The following DPYD variants were observed in gnomAD, a reference collection of about 807,000 sequenced individuals.
DPYD encodes dihydropyrimidine dehydrogenase [NADP(+)].
In DPYD, 109 loss-of-function variants were observed where a neutral mutation model predicts 116.2. The observed-to-expected ratio is 0.94, with a 90% confidence interval of 0.80 to 1.10. The LOEUF (loss-of-function observed/expected upper bound fraction) is 1.10. Ranked by LOEUF, DPYD falls within the 50% of genes least tolerant of loss-of-function variation. The pLI is 0.00. For missense variants in DPYD, 1,302 were observed against 1,254.5 expected (o/e 1.04, Z -0.57); for synonymous variants, 440 against 432.0 (o/e 1.02, Z -0.23).
chr1:97,094,242 C>T (rs1650083815), intron 21 of DPYD, among the ~76,000 whole-genome samples: 2 of 151,896 alleles, frequency 1.3e-5, no homozygotes, highest in South Asian at 2.1e-4. Flanking sequence ...AGGAGCTTAC[C>T]TTAGGATTAC....
In DPYD at chr1:97,515,665, T is replaced by C. The variant is rs917423507; in HGVS notation, c.1740+61A>G. 4 of 1,458,034 alleles carry C rather than the reference T, an allele frequency of 2.7e-6. No homozygotes were observed. The African/African-American group carries it at 4.3e-5, about 16-fold the overall frequency. The allele number at this position is 1,458,034 out of a possible 1,614,324, so 90.3% of individuals were successfully genotyped here. The stretch of plus-strand genomic sequence containing the variant: ...TAGTAAAAAAAATCCATTATAATGT[T>C]TATACCTTAATTAAAATATATGATA... On this transcript the variant is annotated intron_variant, in intron 13 of 22. Transcript: ENST00000370192.
chr1:97,724,856 G>C (rs1158628655), intron 4 of DPYD, among the ~76,000 whole-genome samples: 1 of 148,838 alleles, frequency 6.7e-6, no homozygotes, highest in Non-Finnish European at 1.5e-5. Flanking sequence ...ATTCTTGCTA[G>C]ATAATTAGGC....
intron 19 of DPYD, among the ~76,000 whole-genome samples, chr1:97,214,759 C>T (rs986313962): frequency 2.0e-5 from 3 of 152,200 alleles, no homozygotes; most frequent in African/African-American, 7.2e-5. Flanking sequence ...AGTTGTTCCA[C>T]GTGGCCAGTT....
At position 97,686,636 on chromosome 1, in the gene DPYD, C is replaced by CAAAAAAAAA. The variant is rs1159274157; in HGVS notation, c.762+5072_762+5080dup. Among the ~76,000 whole-genome samples, 29 of 10,052 alleles carry CAAAAAAAAA rather than the reference C, an allele frequency of 2.9e-3. 1 individual carries two copies. Among genetic ancestry groups the CAAAAAAAAA allele is most frequent in the African/African-American group, 9.4e-3 (28 of 2,970 alleles). The allele number at this position is 10,052 out of a possible 152,430, so 6.6% of individuals were successfully genotyped here. A position where few individuals can be genotyped will look rare whatever the true frequency, so the allele number is the denominator to read the frequency against. ...TGGGCGACAGAGCGAGACTCTGTCT[C>CAAAAAAAAA]AAAAAAAAAAAAAAAAAAAAAAAAA... is the stretch of plus-strand genomic sequence containing the variant. On this transcript the variant is annotated intron_variant, in intron 7 of 22. Coordinates refer to ENST00000370192, the MANE Select transcript of DPYD (RefSeq NM_000110.4).
At chr1:97,691,588 T>G in intron 7 of DPYD, 129 bp downstream of exon 7, 1 of 794,580 alleles carries the variant, frequency 1.3e-6, no homozygotes, top group South Asian at 1.6e-5. Flanking sequence ...GGAAGCATCT[T>G]TCTGCTTCTG....
intron 11 of DPYD, among the ~76,000 whole-genome samples, chr1:97,558,985 C>T (rs1220278769): frequency 1.3e-5 from 2 of 152,086 alleles, no homozygotes; most frequent in Non-Finnish European, 2.9e-5. Flanking sequence ...CTTTGATTTG[C>T]TTATTTATAT....
At chr1:97,679,001 C>T in intron 8 of DPYD, 94 bp downstream of exon 8, 1 of 560,000 alleles carries the variant, frequency 1.8e-6, no homozygotes, top group Non-Finnish European at 3.0e-6. Flanking sequence ...TAACTTTCAT[C>T]ACGAAAATGT....
chr1:97,388,789 A>T (rs1672506694), intron 14 of DPYD, among the ~76,000 whole-genome samples: 1 of 152,090 alleles, frequency 6.6e-6, no homozygotes, highest in Non-Finnish European at 1.5e-5. Flanking sequence ...AGGACTAATG[A>T]TGTTTTCTTA....
At chr1:97,914,694 C>A (rs1359634801) in intron 1 of DPYD, among the ~76,000 whole-genome samples, 1 of 152,050 alleles carries the variant, frequency 6.6e-6, no homozygotes, top group Non-Finnish European at 1.5e-5. Flanking sequence ...GAAACTTACA[C>A]CAGTGGGCTC....
At chr1:97,137,226 T>C (rs532720726) in intron 20 of DPYD, among the ~76,000 whole-genome samples, 2 of 152,206 alleles carry the variant, frequency 1.3e-5, no homozygotes, top group African/African-American at 2.4e-5. Flanking sequence ...GCCTCAATGA[T>C]GCATGGACCA....
At position 97,599,162 on chromosome 1, in the gene DPYD, A is replaced by C. The variant is rs544168943; in HGVS notation, c.851-3996T>G. Among the ~76,000 whole-genome samples the C allele has an allele frequency of 3.3e-5, 5 of 152,316 alleles. No homozygotes were observed. The South Asian group carries it at 1.0e-3, about 32-fold the overall frequency. On this transcript the variant is annotated intron_variant, in intron 8 of 22. Coordinates refer to ENST00000370192, the MANE Select transcript of DPYD (RefSeq NM_000110.4). ...GTTTTGTGATTATTTTCTCCAGTACAATCCCTTTCTGAAATGTTTTCCTTC... is the reference window on the plus strand; with the variant it reads ...GTTTTGTGATTATTTTCTCCAGTACCATCCCTTTCTGAAATGTTTTCCTTC...
At chr1:97,204,679 C>T (rs1659469670) in intron 19 of DPYD, among the ~76,000 whole-genome samples, 1 of 152,088 alleles carries the variant, frequency 6.6e-6, no homozygotes, top group Non-Finnish European at 1.5e-5. Flanking sequence ...ATCTGTGATT[C>T]CCTTACTCAG....
intron 8 of DPYD, among the ~76,000 whole-genome samples, chr1:97,657,583 C>T (rs1423042671): frequency 5.3e-5 from 8 of 152,110 alleles, no homozygotes; most frequent in African/African-American, 2.4e-5. Context: ...ACTGACTAAG[C>T]AACTGGTTTT....
intron 16 of DPYD, among the ~76,000 whole-genome samples, chr1:97,342,683 A>G: frequency 6.6e-6 from 1 of 152,204 alleles, no homozygotes; most frequent in Non-Finnish European, 1.5e-5. Flanking sequence ...CTGAGCACTG[A>G]AAGTTTAGCA....
At chr1:97,122,057 G>T (rs1334112777) in intron 20 of DPYD, among the ~76,000 whole-genome samples, 1 of 152,162 alleles carries the variant, frequency 6.6e-6, no homozygotes. Context: ...AATGTTTTCA[G>T]TACCAGAGAT....
In DPYD at chr1:97,300,786, C is replaced by T. The variant is rs370388405; in HGVS notation, c.2299+4473G>A. 2.2e-4 allele frequency among the ~76,000 whole-genome samples: 33 copies of T among 152,136 alleles called. 1 individual carries two copies. Among genetic ancestry groups the T allele is most frequent in the African/African-American group, 7.5e-4 (31 of 41,540 alleles). On this transcript the variant is annotated intron_variant, in intron 18 of 22. Transcript: ENST00000370192. ...GTTATTATTGCATTCTAACAATTCACGCCTAAGTAACTATCTTAAAAACAC... is the reference window on the plus strand; with the variant it reads ...GTTATTATTGCATTCTAACAATTCATGCCTAAGTAACTATCTTAAAAACAC...
At chr1:97,431,263 G>A (rs1323507240) in intron 14 of DPYD, among the ~76,000 whole-genome samples, 2 of 151,794 alleles carry the variant, frequency 1.3e-5, no homozygotes, top group Admixed American at 6.6e-5. Flanking sequence ...AATATTGGTA[G>A]AATAAAAAGA....
At chr1:97,587,351 C>T (rs1047131998) in intron 10 of DPYD, among the ~76,000 whole-genome samples, 13 of 152,198 alleles carry the variant, frequency 8.5e-5, no homozygotes, top group African/African-American at 1.4e-4. Context: ...TGATTACCTT[C>T]CATGAAGAAC....
chr1:97,764,540 T>G (rs1214857915), intron 3 of DPYD, among the ~76,000 whole-genome samples: 1 of 152,216 alleles, frequency 6.6e-6, no homozygotes, highest in African/African-American at 2.4e-5. Context: ...AAATAAACTT[T>G]TAACTTTATC....
Sources: gnomAD v4.1 joint callset for allele counts (sites outside exome capture counted in the v4.1 genomes callset) on GRCh38, gnomAD v4.1.1 for gene constraint, MANE v1.5 for transcripts, NCBI Gene and HGNC (gene_info 2026-07-23, HGNC 2026-07-21) for gene names.